The following RORA variants were observed in gnomAD, a reference collection of about 807,000 sequenced individuals.
RORA encodes the protein nuclear receptor ROR-alpha.
In RORA, 7 loss-of-function variants were observed where a neutral mutation model predicts 69.5. The observed-to-expected ratio is 0.10, with a 90% CI of 0.06 to 0.19. The LOEUF (loss-of-function observed/expected upper bound fraction) is 0.19. Ranked by LOEUF, RORA falls within the 10% of genes least tolerant of loss-of-function variation. The probability of loss-of-function intolerance (pLI) is 1.00; values close to 1 mark genes in which losing one functional copy is unlikely to be tolerated. For missense variants in RORA, 457 were observed against 663.0 expected (o/e 0.69, Z 3.41); for synonymous variants, 261 against 240.8 (o/e 1.08, Z -0.78).
At chr15:60,887,857 T>TA (rs1411026794) in intron 1 of RORA, among the ~76,000 whole-genome samples, 1 of 152,182 alleles carries the variant, frequency 6.6e-6, no homozygotes, top group East Asian at 1.9e-4. Flanking sequence ...TTGTTCCACG[T>TA]AAGACCAACC....
chr15:60,558,520 T>C lies in RORA; in HGVS notation c.197-26669A>G, dbSNP rs1567086087. 13 of 451,256 alleles carry C rather than the reference T, an allele frequency of 2.9e-5. No homozygotes were observed. In the South Asian group the frequency reaches 4.2e-4, roughly 15 times the overall value. 28.0% of individuals were successfully genotyped at this position (451,256 alleles called of 1,614,324 possible). A position where few individuals can be genotyped will look rare whatever the true frequency, so the allele number is the denominator to read the frequency against. ...TAACTAAGACTGGATTGTGGTTAAA[T>C]GCGTATGTTTGATGTTTCTTTGAAT... On this transcript the variant is annotated intron_variant, in intron 2 of 10. Transcript: ENST00000335670.
chr15:60,561,588 C>T (rs868550977), intron 2 of RORA, among the ~76,000 whole-genome samples: 1 of 152,084 alleles, frequency 6.6e-6, no homozygotes, highest in African/African-American at 2.4e-5. Context: ...CAACATGGCT[C>T]TCAAGGTTTT....
At chr15:60,632,666 A>G (rs939207584) in intron 2 of RORA, among the ~76,000 whole-genome samples, 13 of 152,064 alleles carry the variant, frequency 8.5e-5, no homozygotes, top group East Asian at 5.8e-4. Context: ...TAGGACTCCT[A>G]TTAGAGGGTG....
chr15:61,135,100 G>T (rs1372485321), intron 1 of RORA, among the ~76,000 whole-genome samples: 1 of 144,924 alleles, frequency 6.9e-6, no homozygotes, highest in East Asian at 2.1e-4. Flanking sequence ...TTGAGGCCAG[G>T]AGTTCAAAAC....
intron 1 of RORA, among the ~76,000 whole-genome samples, chr15:60,947,219 C>A (rs1298754704): frequency 1.3e-5 from 2 of 152,202 alleles, no homozygotes; most frequent in Non-Finnish European, 2.9e-5. Context: ...GAGAACGGGC[C>A]ATGATGACGA....
At chr15:61,059,824 A>G (rs1307285895) in intron 1 of RORA, among the ~76,000 whole-genome samples, 1 of 152,018 alleles carries the variant, frequency 6.6e-6, no homozygotes, top group Non-Finnish European at 1.5e-5. Context: ...AGAAAAAGGG[A>G]TTTGGTTACT....
At chr15:60,971,894 G>C (rs1352356728) in intron 1 of RORA, among the ~76,000 whole-genome samples, 1 of 152,210 alleles carries the variant, frequency 6.6e-6, no homozygotes, top group Non-Finnish European at 1.5e-5. Flanking sequence ...CCACCATTGG[G>C]CTGTCTGGGC....
intron 1 of RORA, among the ~76,000 whole-genome samples, chr15:61,200,458 A>T (rs1474784282): frequency 6.6e-6 from 1 of 152,206 alleles, no homozygotes; most frequent in Non-Finnish European, 1.5e-5. Flanking sequence ...CCAGAGCAAA[A>T]GCAAACTGCA....
At chr15:60,620,838 G>A (rs189182853) in intron 2 of RORA, among the ~76,000 whole-genome samples, 45 of 152,346 alleles carry the variant, frequency 3.0e-4, no homozygotes, top group Admixed American at 2.0e-4. Context: ...GGGAGAGGGG[G>A]ACAGCCCGGA....
intron 2 of RORA, among the ~76,000 whole-genome samples, chr15:60,585,461 A>G (rs1254029447): frequency 1.3e-5 from 2 of 152,178 alleles, no homozygotes; most frequent in African/African-American, 4.8e-5. Flanking sequence ...CATGTTTAAA[A>G]TTGTTTTATT....
intron 1 of RORA, among the ~76,000 whole-genome samples, chr15:60,777,799 G>C (rs1335017523): frequency 1.3e-5 from 2 of 152,186 alleles, no homozygotes; most frequent in African/African-American, 4.8e-5. Context: ...CAGGGAATGA[G>C]TAAAATACCC....
chr15:60,941,737 A>G (rs1892702193), intron 1 of RORA, among the ~76,000 whole-genome samples: 1 of 152,214 alleles, frequency 6.6e-6, no homozygotes, highest in South Asian at 2.1e-4. Flanking sequence ...GAGTCATTCC[A>G]CATGTTAGCA....
At chr15:60,651,337 C>T (rs879400954) in intron 2 of RORA, among the ~76,000 whole-genome samples, 12 of 152,170 alleles carry the variant, frequency 7.9e-5, no homozygotes, top group Non-Finnish European at 1.2e-4. Context: ...AAATACCACA[C>T]GTTGCTTGCC....
intron 1 of RORA, among the ~76,000 whole-genome samples, chr15:61,197,098 C>T (rs1225593873): frequency 6.6e-6 from 1 of 152,194 alleles, no homozygotes; most frequent in Non-Finnish European, 1.5e-5. Flanking sequence ...AGAAGGCCAG[C>T]GTTACTTCCC....
intron 1 of RORA, among the ~76,000 whole-genome samples, chr15:60,870,583 T>C (rs2073544820): frequency 6.6e-6 from 1 of 152,228 alleles, no homozygotes; most frequent in African/African-American, 2.4e-5. Context: ...AAGAAGGCAC[T>C]TGGCCATTAG....
At chr15:60,710,260 G>A (rs963035334) in intron 1 of RORA, among the ~76,000 whole-genome samples, 1 of 152,138 alleles carries the variant, frequency 6.6e-6, no homozygotes, top group Non-Finnish European at 1.5e-5. Context: ...AGGCCGAGGT[G>A]GGTGGATCAC....
chr15:60,947,203 C>G (rs1306356562), intron 1 of RORA, among the ~76,000 whole-genome samples: 17 of 152,202 alleles, frequency 1.1e-4, no homozygotes, highest in Non-Finnish European at 5.9e-5. Context: ...TACCCAACAG[C>G]TCATTGAGAA....
chr15:60,608,130 G>T (rs2068996081), intron 2 of RORA, among the ~76,000 whole-genome samples: 1 of 152,164 alleles, frequency 6.6e-6, no homozygotes, highest in South Asian at 2.1e-4. Flanking sequence ...AGGAGCTGAG[G>T]GTCCTGAGAT....
At chr15:61,014,005 G>A (rs1160862392) in intron 1 of RORA, among the ~76,000 whole-genome samples, 6 of 152,018 alleles carry the variant, frequency 3.9e-5, no homozygotes, top group Middle Eastern at 3.4e-3. Flanking sequence ...GGATGGTCTC[G>A]ATCTCCTGAC....
Sources: gnomAD v4.1 joint callset for allele counts (sites outside exome capture counted in the v4.1 genomes callset) on GRCh38, gnomAD v4.1.1 for gene constraint, MANE v1.5 for transcripts, NCBI Gene and HGNC (gene_info 2026-07-23, HGNC 2026-07-21) for gene names.